Variants in AMPD3 observed in about 807,000 individuals in gnomAD.
AMPD3 encodes the protein adenosine monophosphate deaminase 3.
AMPD3 carries 57 observed loss-of-function variants against 82.3 expected under a neutral mutation model. The observed-to-expected ratio is 0.69, with a 90% CI of 0.56 to 0.86. AMPD3 has a LOEUF of 0.86. Ranked by LOEUF, AMPD3 falls within the 40% of genes least tolerant of loss-of-function variation. AMPD3 has a pLI of 0.00. For missense variants in AMPD3, 870 were observed against 1,003.8 expected (o/e 0.87, Z 1.80); for synonymous variants, 381 against 394.7 (o/e 0.97, Z 0.41).
intron 2 of AMPD3, among the ~76,000 whole-genome samples, chr11:10,465,903 G>T (rs1416901658): frequency 6.6e-5 from 10 of 151,972 alleles, no homozygotes; most frequent in African/African-American, 2.2e-4. Context: ...TGGAAAGGGG[G>T]CTAAAGCCAG....
intron 2 of AMPD3, among the ~76,000 whole-genome samples, chr11:10,466,816 C>T (rs1353394889): frequency 1.3e-5 from 2 of 152,170 alleles, no homozygotes; most frequent in African/African-American, 4.8e-5. Context: ...AGGCAAGTGC[C>T]CCTCTGGGAT....
rs1346779561 is a variant in AMPD3, at chr11:10,456,469, G to A, written c.-6+1021G>A. On this transcript the variant is annotated intron_variant, in intron 1 of 14. Transcript: ENST00000396553. The surrounding 1 kb of genome is among the most constrained non-coding windows in gnomAD (Gnocchi z 4.3). Reference sequence around the variant, plus strand: ...GGAACCAGCTTCCTTCGTATAACGAGGGGATTTCAGTGGCACTGGGCTTCC... The same window carrying A: ...GGAACCAGCTTCCTTCGTATAACGAAGGGATTTCAGTGGCACTGGGCTTCC... 11 of 1,613,676 alleles carry A rather than the reference G, an allele frequency of 6.8e-6. No individual in the cohort carries two copies. The highest frequency in any genetic ancestry group is 9.3e-6 in the Non-Finnish European group (11 of 1,179,618).
intron 3 of AMPD3, chr11:10,481,794 G>T (rs977701256): frequency 2.0e-6 from 1 of 495,486 alleles, no homozygotes; most frequent in East Asian, 3.9e-5. Context: ...GGTGCCCAGG[G>T]TTTTCACTGG....
chr11:10,459,496 T>C (rs1480758391), intron 1 of AMPD3, among the ~76,000 whole-genome samples: 1 of 152,122 alleles, frequency 6.6e-6, no homozygotes, highest in Non-Finnish European at 1.5e-5. Flanking sequence ...CAAGATGGCC[T>C]AGTGTGTTCC....
intron 6 of AMPD3, chr11:10,490,365 C>G: frequency 2.4e-6 from 1 of 419,386 alleles, no homozygotes; most frequent in South Asian, 1.0e-4. Flanking sequence ...GTTTTACCTT[C>G]TGTGCCAAAC....
At chr11:10,500,020 G>A (rs920748473) in intron 10 of AMPD3, 66 bp from the exon 11 acceptor site, 2 of 1,604,240 alleles carry the variant, frequency 1.2e-6, no homozygotes, top group African/African-American at 2.7e-5. Context: ...ATGAGCTCTG[G>A]GAGGCTGAAC....
At chr11:10,474,599 GATGCTGTAACA>G (rs1848685341) in intron 2 of AMPD3, among the ~76,000 whole-genome samples, 2 of 152,232 alleles carry the variant, frequency 1.3e-5, no homozygotes, top group Non-Finnish European at 2.9e-5. Flanking sequence ...TGGGAGGTAA[GATGCTGTAACA>G]ACAGCCCAGG....
upstream of AMPD3, among the ~76,000 whole-genome samples, chr11:10,452,907 G>A (rs917649416): frequency 5.3e-4 from 81 of 152,230 alleles, no homozygotes; most frequent in African/African-American, 1.9e-3. Flanking sequence ...ACTAAGTGGT[G>A]GAACAGGATT....
At chr11:10,464,536 C>T (rs983214528) in intron 2 of AMPD3, among the ~76,000 whole-genome samples, 4 of 152,110 alleles carry the variant, frequency 2.6e-5, no homozygotes, top group Admixed American at 1.3e-4. Flanking sequence ...GGTGCTGCTC[C>T]CTAGAATGTA....
upstream of AMPD3, among the ~76,000 whole-genome samples, chr11:10,454,441 A>G (rs967688292): frequency 1.3e-5 from 2 of 152,138 alleles, no homozygotes; most frequent in Non-Finnish European, 2.9e-5. Flanking sequence ...TTTTTTTCCT[A>G]TGACAGCAGT....
chr11:10,482,514 T>G (rs144505327), intron 4 of AMPD3, among the ~76,000 whole-genome samples: 1 of 152,174 alleles, frequency 6.6e-6, no homozygotes, highest in African/African-American at 2.4e-5. Flanking sequence ...GTGGGAATTT[T>G]TTTTTTCTTT....
At chr11:10,468,779 C>A (rs944500539) in intron 2 of AMPD3, among the ~76,000 whole-genome samples, 4 of 152,186 alleles carry the variant, frequency 2.6e-5, no homozygotes, top group African/African-American at 4.8e-5. Context: ...GAATGGAAAT[C>A]ATAACAAACA....
At chr11:10,501,124 A>G (rs1849567928) in intron 11 of AMPD3, 1 of 985,302 alleles carries the variant, frequency 1.0e-6, no homozygotes, top group Non-Finnish European at 1.2e-6. Context: ...CATAACACAG[A>G]GGTCAGACTC....
intron 6 of AMPD3, 95 bp from the exon 7 acceptor site, chr11:10,493,254 T>G: frequency 7.0e-7 from 1 of 1,438,802 alleles, no homozygotes; most frequent in Admixed American, 1.7e-5. Flanking sequence ...GCCCATGAGG[T>G]GCTGGGGTTC....
intron 9 of AMPD3, chr11:10,496,302 G>C: frequency 1.0e-6 from 1 of 985,374 alleles, no homozygotes; most frequent in Non-Finnish European, 1.2e-6. Context: ...ATTGTGGGTT[G>C]AGGATGGATT....
chr11:10,470,204 T>C (rs1848549411), intron 2 of AMPD3, among the ~76,000 whole-genome samples: 1 of 152,170 alleles, frequency 6.6e-6, no homozygotes, highest in Non-Finnish European at 1.5e-5. Flanking sequence ...ACAGAACCAA[T>C]GACGAAAACC....
Position 10,500,832 on chromosome 11 carries a change from G to A in AMPD3, c.1721+583G>A, listed in dbSNP as rs185924309. On this transcript the variant is annotated intron_variant, in intron 11 of 14. Coordinates refer to ENST00000396553, the MANE Select transcript of AMPD3 (RefSeq NM_001025389.2). ...AGGCACACGTGGCCAGGAGTTAGCT[G>A]CCCAGGGCAGCAGGACACTGAGCCA... The A allele has an allele frequency of 4.1e-4, 406 of 985,436 alleles. 1 individual carries two copies. In the African/African-American group the frequency reaches 6.8e-3, roughly 16 times the overall value. 61.0% of individuals were successfully genotyped at this position (985,436 alleles called of 1,614,324 possible).
rs1870951 is a variant in AMPD3 at position 10,501,436 on chromosome 11, G to A, written c.1722-34G>A. On this transcript the variant is annotated intron_variant, in intron 11 of 14. Transcript: ENST00000396553. Reference sequence around the variant, plus strand: ...GCCCCAGGCAGAGCCAACTGGGGGGGGCCTTCCTGATTCGGAAACCCCTTC... The same window carrying A: ...GCCCCAGGCAGAGCCAACTGGGGGGAGCCTTCCTGATTCGGAAACCCCTTC... The A allele has an allele frequency of 3.7e-6, 6 of 1,609,054 alleles. No homozygotes were observed. In the South Asian group the frequency reaches 6.6e-5, roughly 18 times the overall value.
At chr11:10,490,859 C>T (rs942179506) in intron 6 of AMPD3, among the ~76,000 whole-genome samples, 6 of 152,208 alleles carry the variant, frequency 3.9e-5, no homozygotes, top group African/African-American at 9.6e-5. Flanking sequence ...AGCCTCATCT[C>T]TGAGGAGCCT....
Sources: gnomAD v4.1 joint callset for allele counts (sites outside exome capture counted in the v4.1 genomes callset) on GRCh38, gnomAD v4.1.1 for gene constraint, Gnocchi (gnomAD v3.1) non-coding constraint, MANE v1.5 for transcripts, NCBI Gene and HGNC (gene_info 2026-07-23, HGNC 2026-07-21) for gene names.